MAP3K11: variants seen among roughly 807,000 people sequenced by gnomAD.
The protein encoded by MAP3K11 is mitogen-activated protein kinase kinase kinase 11.
MAP3K11 carries 46 observed loss-of-function variants against 84.9 expected under a neutral mutation model. The ratio of observed to expected loss-of-function variants is 0.54; its 90% confidence interval spans 0.43 to 0.69. MAP3K11 has a LOEUF of 0.69. Ranked by LOEUF, MAP3K11 falls within the 30% of genes least tolerant of loss-of-function variation. MAP3K11 has a pLI of 0.00. For synonymous variants in MAP3K11, 527 were observed against 514.7 expected (o/e 1.02, Z -0.32); for missense variants, 1,053 against 1,198.3 (o/e 0.88, Z 1.79).
In MAP3K11 at chr11:65,606,027, T is replaced by C; in HGVS notation, c.1658A>G (p.Glu553Gly). ...TCGCCGCTCTCCATTGCTTGAGTCC[T>C]CCAGACGTCGGGGGGACTGGCGGCC... ...AWGRQSPRRL[E>G]DSSNGERRAC... Residue 553 changes from glutamate (E) to glycine (G), a missense_variant, in exon 7 of 10, where the codon GAG becomes GGG. This residue lies in a region of MAP3K11 where 583 missense variants were observed against 566.6 expected (regional missense o/e 1.03). Transcript: ENST00000309100. 3 of 1,597,068 alleles carry C rather than the reference T, an allele frequency of 1.9e-6. No individual in the cohort carries two copies. The highest frequency in any genetic ancestry group is 2.6e-6 in the Non-Finnish European group (3 of 1,172,218).
Position 65,599,391 on chromosome 11 carries a change from C to T in MAP3K11, c.2206+3G>A. 1 of 1,534,882 alleles carries T rather than the reference C, an allele frequency of 6.5e-7. No individual in the cohort carries two copies. Among genetic ancestry groups the T allele is most frequent in the African/African-American group, 1.4e-5 (1 of 69,040 alleles). ...TGAAGCAGGCCGGCTTCAGGCCACT[C>T]ACCGCGGGGCTCCTCCTCACGTCGG... On this transcript the variant is annotated splice_donor_region_variant and intron_variant, in intron 9 of 9. Transcript: ENST00000309100.
intron 1 of MAP3K11, chr11:65,612,733 G>A: frequency 3.0e-6 from 1 of 333,326 alleles, no homozygotes; most frequent in Non-Finnish European, 5.5e-6. Context: ...CCATGGCTGG[G>A]CAGGATGCTT....
chr11:65,600,268 G>A (rs1481203420), intron 8 of MAP3K11, among the ~76,000 whole-genome samples: 1 of 152,162 alleles, frequency 6.6e-6, no homozygotes, highest in Non-Finnish European at 1.5e-5. Context: ...TGGCAGCCCT[G>A]AGGGCATAAA....
intron 8 of MAP3K11, 42 bp downstream of exon 8, chr11:65,605,719 A>C: frequency 1.3e-6 from 2 of 1,494,790 alleles, no homozygotes; most frequent in Non-Finnish European, 1.8e-6. Flanking sequence ...TGCCCACGGA[A>C]GGAGCTCAGC....
chr11:65,598,770 G>A, intron 9 of MAP3K11, 142 bp from the exon 10 acceptor site: 1 of 559,238 alleles, frequency 1.8e-6, no homozygotes, highest in Non-Finnish European at 2.9e-6. Context: ...CCTGCTCCGT[G>A]GTGCCTCTGT....
rs770675194 is a variant in MAP3K11, at chr11:65,608,342, G to T, written c.846C>A (p.Ala282=). 6.2e-7 allele frequency: 1 copy of T among 1,614,236 alleles called. No homozygotes were observed. Among genetic ancestry groups the T allele is most frequent in the Non-Finnish European group, 8.5e-7 (1 of 1,180,046 alleles). The change falls in exon 2 of 10, where the codon GCC becomes GCA. Residue 282 remains alanine (A), a synonymous_variant. Transcript: ENST00000309100. ...GAGCCATCCAGGCGTAGGTGCCCGC[G>T]GCACTCATTTGTGTGGTTTTGTGCC... ...REWHKTTQMS[A]AGTYAWMAPE... is the part of the protein sequence containing the mutation.
At position 65,613,867 on chromosome 11, in the gene MAP3K11, G is replaced by C. The variant is rs1172894144; in HGVS notation, c.-111C>G. The C allele has an allele frequency of 4.8e-6, 6 of 1,243,252 alleles. No homozygotes were observed. Among genetic ancestry groups the C allele is most frequent in the Non-Finnish European group, 6.5e-6 (6 of 925,520 alleles). The allele number at this position is 1,243,252 out of a possible 1,614,324, so 77.0% of individuals were successfully genotyped here. ...CCGGAACCTGGGCATCCGGGCCCTG[G>C]CCCTCAGCCCCAGACCCACGCCTCT... On this transcript the variant is annotated 5_prime_UTR_variant, in exon 1 of 10. Transcript: ENST00000309100.
Position 65,607,374 on chromosome 11 carries a change from T to TGCA in MAP3K11, c.1382_1384dup (p.Leu461dup), listed in dbSNP as rs757766244. On this transcript the variant is annotated inframe_insertion, in exon 5 of 10. Coordinates refer to ENST00000309100, the MANE Select transcript of MAP3K11 (RefSeq NM_002419.4). ...GTGCGGTCGCTCGCGGTCCACCTGC[T>TGCA]GCAGCAGCAGCGTCAGCTCGCGCTC... 4.0e-6 allele frequency: 6 copies of TGCA among 1,498,904 alleles called. No homozygotes were observed. Among genetic ancestry groups the TGCA allele is most frequent in the Admixed American group, 2.3e-5 (1 of 43,132 alleles). The allele number at this position is 1,498,904 out of a possible 1,614,324, so 92.9% of individuals were successfully genotyped here. A position where few individuals can be genotyped will look rare whatever the true frequency, so the allele number is the denominator to read the frequency against.
In MAP3K11 at chr11:65,606,099, G is replaced by C. The variant is rs764656241; in HGVS notation, c.1604-18C>G. 3.9e-6 allele frequency: 6 copies of C among 1,558,236 alleles called. No homozygotes were observed. The highest frequency in any genetic ancestry group is 5.2e-6 in the Non-Finnish European group (6 of 1,158,388). The stretch of plus-strand genomic sequence containing the variant: ...AGGCTCCACTGCAGGGGAAACCGAT[G>C]AAATCGGAGATAATCTTTATTCTCC... On this transcript the variant is annotated intron_variant, in intron 6 of 9. Coordinates refer to ENST00000309100, the MANE Select transcript of MAP3K11 (RefSeq NM_002419.4).
chr11:65,612,655 C>T (rs750219478), intron 1 of MAP3K11: 20 of 193,986 alleles, frequency 1.0e-4, no homozygotes, highest in African/African-American at 2.8e-4. Context: ...ACCAACTCCA[C>T]GAACATGAAT....
rs1397964881 is a variant in MAP3K11 at position 65,613,663 on chromosome 11, G to A, written c.94C>T (p.Pro32Ser). The A allele has an allele frequency of 1.2e-6, 2 of 1,612,420 alleles. No homozygotes were observed. Among genetic ancestry groups the A allele is most frequent in the Admixed American group, 1.7e-5 (1 of 59,990 alleles). The part of the protein sequence containing the change: ...GGGGGGGGGR[P>S]EGSPKAAGYA... ...CCCGCTGCCTTTGGAGACCCCTCAG[G>A]CCGGCCTCCTCCACCGCCCCCACCA... Residue 32 changes from proline to serine, a missense_variant, in exon 1 of 10, where the codon CCT (proline) becomes TCT (serine). Physicochemically the swap from Pro to Ser is moderately conservative, Grantham distance 74. This residue lies in a region of MAP3K11 where 160 missense variants were observed against 167.3 expected (regional missense o/e 0.96). Coordinates refer to ENST00000309100, the MANE Select transcript of MAP3K11 (RefSeq NM_002419.4).
intron 8 of MAP3K11, among the ~76,000 whole-genome samples, chr11:65,603,750 T>C (rs915719872): frequency 2.0e-5 from 3 of 152,268 alleles, no homozygotes; most frequent in Non-Finnish European, 4.4e-5. Context: ...GCTGACATCC[T>C]TTCAGGGCAA....
At chr11:65,601,090 A>G (rs1854450447) in intron 8 of MAP3K11, among the ~76,000 whole-genome samples, 1 of 152,118 alleles carries the variant, frequency 6.6e-6, no homozygotes, top group African/African-American at 2.4e-5. Flanking sequence ...TCATTCAATC[A>G]ACATCTACTG....
At chr11:65,606,635 G>A in intron 6 of MAP3K11, 56 bp downstream of exon 6, 1 of 1,320,450 alleles carries the variant, frequency 7.6e-7, no homozygotes, top group Non-Finnish European at 1.0e-6. Context: ...AATAAGGTCT[G>A]ACAGAGAATA....
chr11:65,606,182 G>T, intron 6 of MAP3K11, 101 bp from the exon 7 acceptor site: 1 of 1,316,992 alleles, frequency 7.6e-7, no homozygotes, highest in Non-Finnish European at 1.0e-6. Flanking sequence ...AGCAGGCTGG[G>T]CCCTGTACCA....
Position 65,597,932 on chromosome 11 carries a change from G to C in MAP3K11, c.*359C>G, listed in dbSNP as rs950755846. ...GGCAGGGGCCGCAGTAGCAGGACTTGGTCAAAAGTGCTGGTGACAGCTGAG... is the reference window on the plus strand; with the variant it reads ...GGCAGGGGCCGCAGTAGCAGGACTTCGTCAAAAGTGCTGGTGACAGCTGAG... On this transcript the variant is annotated 3_prime_UTR_variant, in exon 10 of 10. Transcript: ENST00000309100. The C allele has an allele frequency of 4.6e-6, 1 of 216,814 alleles. No homozygotes were observed. 13.4% of individuals were successfully genotyped at this position (216,814 alleles called of 1,614,324 possible).
Position 65,608,437 on chromosome 11 carries a change from G to A in MAP3K11, c.751C>T (p.Gln251Ter). 6.2e-7 allele frequency: 1 copy of A among 1,614,128 alleles called. No homozygotes were observed. Among genetic ancestry groups the A allele is most frequent in the Non-Finnish European group, 8.5e-7 (1 of 1,179,994 alleles). The change falls in exon 2 of 10, where the codon CAG becomes TAG. Residue 251 changes from glutamine (Q) to a stop codon, truncating the protein, a stop_gained. Coordinates refer to ENST00000309100, the MANE Select transcript of MAP3K11 (RefSeq NM_002419.4). LOFTEE classifies it high-confidence loss of function. ...TCCATGTCGTCACTCTCAATGGGCT[G>A]CAGCAGCAAAACTAGAGAAGAGGGG... ...DLKSNNILLLQPIESDDMEHK... is the reference protein window; with the variant it reads ...DLKSNNILLL
intron 1 of MAP3K11, chr11:65,609,846 C>T (rs932768416): frequency 2.0e-5 from 3 of 152,272 alleles, no homozygotes; most frequent in African/African-American, 7.2e-5. Context: ...AACCAGGGTG[C>T]TCATTTTTCA....
chr11:65,608,196 C>T (rs1854534701), intron 2 of MAP3K11, 72 bp downstream of exon 2: 1 of 1,591,376 alleles, frequency 6.3e-7, no homozygotes, highest in Non-Finnish European at 8.6e-7. Flanking sequence ...TTGGCCCAGC[C>T]CTAGATTTAG....
Sources: allele counts gnomAD v4.1 joint callset (sites outside exome capture counted in the v4.1 genomes callset), GRCh38; gene constraint gnomAD v4.1.1; regional missense constraint gnomAD v4.1.1; transcripts MANE v1.5; gene names NCBI Gene and HGNC (gene_info 2026-07-23, HGNC 2026-07-21).